Variants in LSAMP observed in about 807,000 individuals in gnomAD.
The protein encoded by LSAMP is limbic system-associated membrane protein.
In LSAMP, 7 loss-of-function variants were observed where a neutral mutation model predicts 38.6. That is an observed-to-expected ratio of 0.18 (90% CI 0.10 to 0.34). The LOEUF (loss-of-function observed/expected upper bound fraction) is 0.34, where lower values mean the gene tolerates loss of function less well. LSAMP is among the 10% of genes least tolerant of loss of function. LSAMP has a pLI of 1.00. For synonymous variants in LSAMP, 154 were observed against 166.8 expected (o/e 0.92, Z 0.59); for missense variants, 313 against 420.0 (o/e 0.75, Z 2.23).
intron 1 of LSAMP, among the ~76,000 whole-genome samples, chr3:116,167,602 GTCCT>G (rs1710091376): frequency 6.6e-6 from 1 of 151,990 alleles, no homozygotes; most frequent in African/African-American, 2.4e-5. Flanking sequence ...CCATTTATCT[GTCCT>G]TCCATCCATC....
At chr3:115,997,692 G>A (rs1201259196) in intron 3 of LSAMP, among the ~76,000 whole-genome samples, 1 of 137,698 alleles carries the variant, frequency 7.3e-6, no homozygotes, top group African/African-American at 2.7e-5. Flanking sequence ...TTTCTCAAGA[G>A]GGAAACTATT....
chr3:115,839,426 A>C (rs1158564957), intron 6 of LSAMP, among the ~76,000 whole-genome samples: 1 of 151,970 alleles, frequency 6.6e-6, no homozygotes, highest in African/African-American at 2.4e-5. Context: ...GACCTCCCAA[A>C]ACTAACTGGT....
At chr3:116,139,615 C>A (rs771591251) in intron 1 of LSAMP, among the ~76,000 whole-genome samples, 12 of 151,948 alleles carry the variant, frequency 7.9e-5, no homozygotes, top group Admixed American at 4.6e-4. Context: ...AGATTCATTG[C>A]AAGTTGTATT....
intron 1 of LSAMP, among the ~76,000 whole-genome samples, chr3:116,403,125 T>C (rs9877364): frequency 0.062 from 9,496 of 152,230 alleles, 395 homozygotes; most frequent in African/African-American, 0.12. Flanking sequence ...CATAAAATAA[T>C]TGATTGCCCA....
intron 3 of LSAMP, among the ~76,000 whole-genome samples, chr3:115,879,169 C>A (rs993051260): frequency 6.6e-6 from 1 of 152,100 alleles, no homozygotes; most frequent in Non-Finnish European, 1.5e-5. Flanking sequence ...AAGTACAAAT[C>A]CAGCCAAGCA....
At chr3:115,945,990 G>A (rs1189627318) in intron 3 of LSAMP, among the ~76,000 whole-genome samples, 1 of 152,084 alleles carries the variant, frequency 6.6e-6, no homozygotes, top group Non-Finnish European at 1.5e-5. Context: ...CTCTTAAATA[G>A]AGCATCCCTT....
intron 3 of LSAMP, among the ~76,000 whole-genome samples, chr3:115,987,829 TA>T (rs1939555826): frequency 6.6e-6 from 1 of 152,148 alleles, no homozygotes; most frequent in Admixed American, 6.6e-5. Flanking sequence ...TTCTTGAATA[TA>T]AGATTTGCTA....
chr3:116,391,320 A>T (rs1009500768), intron 1 of LSAMP, among the ~76,000 whole-genome samples: 3 of 149,150 alleles, frequency 2.0e-5, no homozygotes, highest in Non-Finnish European at 4.5e-5. Context: ...CATGTCCCCG[A>T]GGCCGCTGAC....
intron 6 of LSAMP, among the ~76,000 whole-genome samples, chr3:115,825,595 A>G (rs1238757157): frequency 6.6e-6 from 1 of 152,218 alleles, no homozygotes; most frequent in East Asian, 1.9e-4. Context: ...CACACAGTAC[A>G]TAATATCCAT....
intron 6 of LSAMP, among the ~76,000 whole-genome samples, chr3:115,823,718 A>T (rs1404178584): frequency 6.6e-6 from 1 of 152,244 alleles, no homozygotes; most frequent in African/African-American, 2.4e-5. Context: ...GTTTGACAAC[A>T]TTACAAGGAG....
At position 115,812,268 on chromosome 3, in the gene LSAMP, AAATT is replaced by A. The variant is rs753791654; in HGVS notation, c.920-1858_920-1855del. 2.7e-4 allele frequency among the ~76,000 whole-genome samples: 41 copies of A among 152,086 alleles called. 1 individual carries two copies. Among genetic ancestry groups the A allele is most frequent in the Admixed American group, 2.3e-3 (35 of 15,290 alleles). On this transcript the variant is annotated intron_variant, in intron 6 of 6. Transcript: ENST00000490035. Reference sequence around the variant, plus strand: ...TGGAAACACAGAATAAAGATTCAATAAATTAATTATCTGATTTTCTGAATTGTTA... The same window carrying A: ...TGGAAACACAGAATAAAGATTCAATAAATTATCTGATTTTCTGAATTGTTA...
chr3:116,282,166 AGTTTG>A (rs796954841), intron 1 of LSAMP, among the ~76,000 whole-genome samples: 22 of 152,298 alleles, frequency 1.4e-4, no homozygotes, highest in African/African-American at 5.3e-4. Flanking sequence ...AAATAGTGAG[AGTTTG>A]GTTTGATGTT....
At chr3:116,149,898 C>G (rs961001098) in intron 1 of LSAMP, among the ~76,000 whole-genome samples, 1 of 151,938 alleles carries the variant, frequency 6.6e-6, no homozygotes, top group Non-Finnish European at 1.5e-5. Flanking sequence ...TATCCTTACC[C>G]GTACCAAAAA....
At chr3:115,902,780 AACCACAATGAGAT>A (rs1936910786) in intron 3 of LSAMP, among the ~76,000 whole-genome samples, 1 of 152,176 alleles carries the variant, frequency 6.6e-6, no homozygotes, top group Non-Finnish European at 1.5e-5. Flanking sequence ...TGCAAATCAA[AACCACAATGAGAT>A]ACCACTTCAC....
chr3:115,919,216 A>T (rs750517311), intron 3 of LSAMP, among the ~76,000 whole-genome samples: 1 of 152,212 alleles, frequency 6.6e-6, no homozygotes, highest in Non-Finnish European at 1.5e-5. Flanking sequence ...ATTAAATGAC[A>T]ACATGATCCA....
At chr3:116,004,512 A>G (rs183935863) in intron 3 of LSAMP, among the ~76,000 whole-genome samples, 29 of 128,286 alleles carry the variant, frequency 2.3e-4, no homozygotes, top group East Asian at 1.2e-3. Flanking sequence ...GTGTGTGTGT[A>G]TATATATGTG....
At chr3:116,061,546 C>T (rs776759605) in intron 2 of LSAMP, among the ~76,000 whole-genome samples, 3 of 152,112 alleles carry the variant, frequency 2.0e-5, no homozygotes, top group Non-Finnish European at 4.4e-5. Context: ...GTCACCTTAC[C>T]AGGGAGGATT....
intron 1 of LSAMP, among the ~76,000 whole-genome samples, chr3:116,334,174 C>T (rs1422019011): frequency 5.9e-5 from 9 of 151,962 alleles, no homozygotes; most frequent in African/African-American, 2.2e-4. Context: ...AGAAACACAA[C>T]ACCTGCCAAG....
chr3:115,997,812 ACTAATATATGTAT>A, intron 3 of LSAMP, among the ~76,000 whole-genome samples: 1 of 145,180 alleles, frequency 6.9e-6, no homozygotes, highest in Admixed American at 7.0e-5. Flanking sequence ...ATTTAAATAT[ACTAATATATGTAT>A]TTTATATATT....
Sources: allele counts gnomAD v4.1 joint callset (sites outside exome capture counted in the v4.1 genomes callset), GRCh38; gene constraint gnomAD v4.1.1; transcripts MANE v1.5; gene names NCBI Gene and HGNC (gene_info 2026-07-23, HGNC 2026-07-21).